ENPEP: variants seen among roughly 807,000 people sequenced by gnomAD.
The protein encoded by ENPEP is AP-A.
In ENPEP, 103 loss-of-function variants were observed where a neutral mutation model predicts 114.5. That is an observed-to-expected ratio of 0.90 (90% CI 0.77 to 1.06). The LOEUF (loss-of-function observed/expected upper bound fraction) is 1.06. Among genes scored for constraint, ENPEP ranks in the 50% least tolerant of loss-of-function variants. The pLI is 0.00. For missense variants in ENPEP, 1,196 were observed against 1,161.3 expected, an observed-to-expected ratio of 1.03 and a Z score of -0.43; for synonymous variants, 420 against 422.0, an observed-to-expected ratio of 1.00 and a Z score of 0.06.
At chr4:110,499,379 G>A (rs779746143) in intron 3 of ENPEP, among the ~76,000 whole-genome samples, 1 of 152,180 alleles carries the variant, frequency 6.6e-6, no homozygotes, top group Non-Finnish European at 1.5e-5. Context: ...AAAATAGGCA[G>A]CATGATATGT....
rs770271820 is a variant in ENPEP, at chr4:110,476,739, C to A, written c.325C>A (p.Leu109Met). The A allele has an allele frequency of 1.4e-5, 23 of 1,614,054 alleles. No individual in the cohort carries two copies. The highest frequency in any genetic ancestry group is 3.3e-5 in the Admixed American group (2 of 60,018). The change falls in exon 1 of 20, where the codon CTG (leucine) becomes ATG (methionine). Residue 109 changes from leucine (L) to methionine (M), a missense_variant. Physicochemically the swap from Leu to Met is conservative, Grantham distance 15. Transcript: ENST00000265162. Reference protein sequence around the residue: ...PVHYDLHVKPLLEEDTYTGTV... With the variant: ...PVHYDLHVKPMLEEDTYTGTV... ...CCACTACGACCTGCACGTGAAGCCC[C>A]TGTTGGAGGAGGACACCTACACGGG...
chr4:110,524,025 A>G (rs1216043224), intron 10 of ENPEP, among the ~76,000 whole-genome samples: 1 of 152,210 alleles, frequency 6.6e-6, no homozygotes, highest in East Asian at 1.9e-4. Context: ...CAGTATGAGT[A>G]TATTATTTAG....
At chr4:110,557,282 G>A (rs967058722) in intron 18 of ENPEP, among the ~76,000 whole-genome samples, 15 of 152,190 alleles carry the variant, frequency 9.9e-5, no homozygotes, top group African/African-American at 3.6e-4. Context: ...AGTATCTTAG[G>A]AATTTGGTGG....
At position 110,520,199 on chromosome 4, in the gene ENPEP, T is replaced by G; in HGVS notation, c.1576-16T>G. The G allele has an allele frequency of 1.2e-6, 2 of 1,610,986 alleles. No homozygotes were observed. The highest frequency in any genetic ancestry group is 1.1e-5 in the South Asian group (1 of 90,804). On this transcript the variant is annotated splice_polypyrimidine_tract_variant and intron_variant, in intron 9 of 19. Coordinates refer to ENST00000265162, the MANE Select transcript of ENPEP (RefSeq NM_001977.4). ...ATTTGTTAATTAATTAATCTCCATT[T>G]TGTTTTCAATCTTAGGCAAGTAGGC...
At chr4:110,524,941 T>C (rs901656752) in intron 10 of ENPEP, among the ~76,000 whole-genome samples, 2 of 152,120 alleles carry the variant, frequency 1.3e-5, no homozygotes, top group African/African-American at 4.8e-5. Context: ...AAAAAAGTTT[T>C]TGTAGAGAAA....
In ENPEP at chr4:110,561,456, T is replaced by G. The variant is rs1379788168; in HGVS notation, c.2772T>G (p.Pro924=). The G allele has an allele frequency of 4.3e-6, 7 of 1,614,004 alleles. No homozygotes were observed. Among genetic ancestry groups the G allele is most frequent in the Non-Finnish European group, 5.9e-6 (7 of 1,179,944 alleles). The change falls in exon 20 of 20, where the codon CCT becomes CCG. Residue 924 remains proline, a synonymous_variant. Coordinates refer to ENST00000265162, the MANE Select transcript of ENPEP (RefSeq NM_001977.4). Reference sequence around the variant, plus strand: ...CACAAGCTGGAGCAGGAGAAAAACCTAGGGAACAAGTGCTGGAAACAGTGA... The same window carrying G: ...CACAAGCTGGAGCAGGAGAAAAACCGAGGGAACAAGTGCTGGAAACAGTGA... The part of the protein sequence containing the change: ...KYPQAGAGEK[P]REQVLETVKN...
intron 1 of ENPEP, 135 bp downstream of exon 1, chr4:110,477,193 TG>T: frequency 1.5e-6 from 2 of 1,295,290 alleles, no homozygotes; most frequent in South Asian, 1.6e-5. Context: ...CAATTCTGGC[TG>T]TCCATCTGGG....
chr4:110,517,145 G>T (rs977608147), intron 8 of ENPEP, among the ~76,000 whole-genome samples: 21 of 151,914 alleles, frequency 1.4e-4, no homozygotes, highest in African/African-American at 4.6e-4. Flanking sequence ...TCGCCACGTT[G>T]CCCAGGCTGG....
At chr4:110,530,805 G>A (rs1726378582) in intron 10 of ENPEP, among the ~76,000 whole-genome samples, 1 of 152,130 alleles carries the variant, frequency 6.6e-6, no homozygotes, top group African/African-American at 2.4e-5. Context: ...TTCTAAAAAT[G>A]TTTTGTGTTC....
Position 110,542,796 on chromosome 4 carries a change from A to G in ENPEP, c.1853A>G (p.Lys618Arg), listed in dbSNP as rs1475017280. ...SSNPSGNAFL[K>R]INPDHIGFYR... ...AATCCTAGTGGAAATGCTTTTCTCA[A>G]AATAAACCCAGATCATATTGGGTTT... Residue 618 changes from lysine (K) to arginine (R), a missense_variant, in exon 12 of 20, where the codon AAA becomes AGA. Lys to Arg is a conservative substitution (Grantham distance 26). Transcript: ENST00000265162. 3.7e-6 allele frequency: 6 copies of G among 1,613,138 alleles called. No individual in the cohort carries two copies. The highest frequency in any genetic ancestry group is 5.1e-6 in the Non-Finnish European group (6 of 1,179,346).
chr4:110,488,259 T>G (rs907274220), intron 1 of ENPEP, among the ~76,000 whole-genome samples: 2 of 152,210 alleles, frequency 1.3e-5, no homozygotes, highest in Non-Finnish European at 2.9e-5. Context: ...GGCACCAAAA[T>G]AGCTGTTAGG....
chr4:110,479,013 ACACG>A (rs1724214124), intron 1 of ENPEP, among the ~76,000 whole-genome samples: 1 of 152,252 alleles, frequency 6.6e-6, no homozygotes. Context: ...CATAAATAAT[ACACG>A]TTTATTGAAG....
chr4:110,510,712 G>A (rs978960433), intron 6 of ENPEP, among the ~76,000 whole-genome samples: 2 of 151,974 alleles, frequency 1.3e-5, no homozygotes, highest in Admixed American at 6.6e-5. Flanking sequence ...TCTCATTTGT[G>A]AACGACTTAC....
chr4:110,496,464 C>T (rs1560553910), intron 3 of ENPEP, among the ~76,000 whole-genome samples: 1 of 152,096 alleles, frequency 6.6e-6, no homozygotes, highest in Non-Finnish European at 1.5e-5. Context: ...ATCAAACATT[C>T]GTCAAATCTA....
chr4:110,515,352 A>T lies in ENPEP; in HGVS notation c.1444-25A>T, dbSNP rs7356493. On this transcript the variant is annotated intron_variant, in intron 7 of 19. Coordinates refer to ENST00000265162, the MANE Select transcript of ENPEP (RefSeq NM_001977.4). ...TCCTTACATAGCCTTTATTAGTTTCATTTGTCTTTTTATCCCCATTGTAGG... is the reference window on the plus strand; with the variant it reads ...TCCTTACATAGCCTTTATTAGTTTCTTTTGTCTTTTTATCCCCATTGTAGG... 4 of 1,589,206 alleles carry T rather than the reference A, an allele frequency of 2.5e-6. No individual in the cohort carries two copies. In the African/African-American group the frequency reaches 4.1e-5, roughly 16 times the overall value.
At position 110,534,504 on chromosome 4, in the gene ENPEP, C is replaced by CTTTTTTTTTTTTT. The variant is rs71595561; in HGVS notation, c.1807+3235_1807+3247dup. ...CATATGTTCTCTCTTTTCGTTGTTTCTTTTTTTTTTTTTTTTTTTTGGGAC... is the reference window on the plus strand; with the variant it reads ...CATATGTTCTCTCTTTTCGTTGTTTCTTTTTTTTTTTTTTTTTTTTTTTTTTTTTTTTTGGGAC... On this transcript the variant is annotated intron_variant, in intron 11 of 19. Coordinates refer to ENST00000265162, the MANE Select transcript of ENPEP (RefSeq NM_001977.4). Among the ~76,000 whole-genome samples, 5 of 52,274 alleles carry CTTTTTTTTTTTTT rather than the reference C, an allele frequency of 9.6e-5. 1 individual carries two copies. Among genetic ancestry groups the CTTTTTTTTTTTTT allele is most frequent in the Non-Finnish European group, 1.1e-4 (3 of 28,476 alleles). 34.3% of individuals were successfully genotyped at this position (52,274 alleles called of 152,430 possible). A position where few individuals can be genotyped will look rare whatever the true frequency, so the allele number is the denominator to read the frequency against.
intron 3 of ENPEP, among the ~76,000 whole-genome samples, chr4:110,495,425 T>G (rs1338187735): frequency 6.6e-6 from 1 of 152,104 alleles, no homozygotes; most frequent in East Asian, 1.9e-4. Context: ...CAGGACGAGT[T>G]AAATGGCAAT....
At chr4:110,515,993 CA>C (rs1372889231) in intron 8 of ENPEP, 2 of 288,768 alleles carry the variant, frequency 6.9e-6, no homozygotes, top group African/African-American at 4.4e-5. Context: ...TGACAGCTCC[CA>C]AAGGCTTCGT....
intron 6 of ENPEP, 69 bp downstream of exon 6, chr4:110,510,427 T>C: frequency 7.7e-6 from 10 of 1,290,466 alleles, no homozygotes; most frequent in South Asian, 1.2e-5. Flanking sequence ...GCCTTTGGAC[T>C]ATGATAATGG....
Sources: gnomAD v4.1 joint callset for allele counts (sites outside exome capture counted in the v4.1 genomes callset) on GRCh38, gnomAD v4.1.1 for gene constraint, MANE v1.5 for transcripts, NCBI Gene and HGNC (gene_info 2026-07-23, HGNC 2026-07-21) for gene names.